Variants in ME1 observed in about 807,000 individuals in gnomAD.
ME1 encodes the protein NADP-dependent malic enzyme.
A neutral mutation model predicts 66.4 loss-of-function variants in ME1; 74 were observed. The ratio of observed to expected loss-of-function variants is 1.11; its 90% confidence interval spans 0.92 to 1.35. The LOEUF (loss-of-function observed/expected upper bound fraction) is 1.35, where lower values mean the gene tolerates loss of function less well. Among genes scored for constraint, ME1 ranks in the 40% most tolerant of loss-of-function variants. The probability of loss-of-function intolerance (pLI) is 0.00; values close to 1 mark genes in which losing one functional copy is unlikely to be tolerated. For missense variants in ME1, 750 were observed against 694.1 expected, an observed-to-expected ratio of 1.08 and a Z score of -0.90; for synonymous variants, 251 against 235.6, an observed-to-expected ratio of 1.07 and a Z score of -0.60.
intron 13 of ME1, among the ~76,000 whole-genome samples, chr6:83,215,753 A>G (rs1789978935): frequency 6.6e-6 from 1 of 152,172 alleles, no homozygotes; most frequent in African/African-American, 2.4e-5. Flanking sequence ...ACCTGCAAAC[A>G]TCTTTATCTT....
chr6:83,255,042 G>A (rs1766737243), intron 6 of ME1, among the ~76,000 whole-genome samples: 3 of 151,998 alleles, frequency 2.0e-5, no homozygotes, highest in South Asian at 4.1e-4. Flanking sequence ...AAAAAACTCT[G>A]TAAGTTTGTT....
At position 83,377,574 on chromosome 6, in the gene ME1, G is replaced by A. The variant is rs528277204; in HGVS notation, c.362+20793C>T. ...ATACTTAAATTTAACCCAATATTTG[G>A]CAGCATACTGGCAATCAAAATAACT... On this transcript the variant is annotated intron_variant, in intron 3 of 13. Transcript: ENST00000369705. 1.1e-4 allele frequency among the ~76,000 whole-genome samples: 17 copies of A among 152,046 alleles called. No individual in the cohort carries two copies. In the South Asian group the frequency reaches 3.5e-3, roughly 32 times the overall value.
chr6:83,430,470 G>A (rs1770464870), intron 1 of ME1, among the ~76,000 whole-genome samples: 1 of 152,230 alleles, frequency 6.6e-6, no homozygotes, highest in Admixed American at 6.5e-5. Context: ...GCCACACTGT[G>A]TGTGCAACCA....
intron 2 of ME1, among the ~76,000 whole-genome samples, chr6:83,401,704 A>C (rs1479544292): frequency 6.6e-6 from 1 of 152,178 alleles, no homozygotes; most frequent in Non-Finnish European, 1.5e-5. Context: ...GGTGGCAGGG[A>C]TAGAGGTTAT....
At chr6:83,216,631 C>T (rs778574695) in intron 12 of ME1, 35 bp from the exon 13 acceptor site, 6 of 1,411,298 alleles carry the variant, frequency 4.3e-6, no homozygotes, top group Non-Finnish European at 5.9e-6. Context: ...AGTGTTTATA[C>T]TTCACACGAT....
intron 7 of ME1, among the ~76,000 whole-genome samples, chr6:83,241,349 A>C (rs1232502590): frequency 6.6e-6 from 1 of 152,178 alleles, no homozygotes; most frequent in Non-Finnish European, 1.5e-5. Flanking sequence ...CAATTGAAGC[A>C]TCAAAGTTGA....
intron 1 of ME1, among the ~76,000 whole-genome samples, chr6:83,417,570 G>A (rs185510841): frequency 6.6e-5 from 10 of 151,670 alleles, no homozygotes; most frequent in Admixed American, 5.3e-4. Context: ...TAGTAGAGAC[G>A]GGGTTTCACC....
chr6:83,275,936 A>AT (rs937491022), intron 6 of ME1, among the ~76,000 whole-genome samples: 2 of 149,060 alleles, frequency 1.3e-5, no homozygotes, highest in Non-Finnish European at 3.0e-5. Flanking sequence ...CGCCCAGCTA[A>AT]TTTTTTTGTA....
chr6:83,277,863 T>C (rs954374255), intron 6 of ME1, among the ~76,000 whole-genome samples: 11 of 141,388 alleles, frequency 7.8e-5, no homozygotes, highest in African/African-American at 2.9e-4. Context: ...GATCGCACCA[T>C]TGCACTCCAG....
chr6:83,344,949 C>G (rs1238193688), intron 5 of ME1, among the ~76,000 whole-genome samples: 12 of 151,420 alleles, frequency 7.9e-5, no homozygotes. Flanking sequence ...TATCACATAA[C>G]AATTTTTAAA....
rs1178785604 is a variant in ME1 at position 83,428,009 on chromosome 6, C to T, written c.78+2868G>A. The stretch of plus-strand genomic sequence containing the variant: ...CCTGGGCAACAGAACAAGGCTCTGT[C>T]TCAAAAAAAAAAAAAGGAAAATAAA... On this transcript the variant is annotated intron_variant, in intron 1 of 13. Transcript: ENST00000369705. 2.9e-5 allele frequency among the ~76,000 whole-genome samples: 4 copies of T among 139,076 alleles called. No individual in the cohort carries two copies. In the East Asian group the frequency reaches 6.0e-4, roughly 21 times the overall value. 91.2% of individuals were successfully genotyped at this position (139,076 alleles called of 152,430 possible).
At chr6:83,212,602 G>A (rs545402347) in intron 13 of ME1, among the ~76,000 whole-genome samples, 31 of 152,212 alleles carry the variant, frequency 2.0e-4, no homozygotes, top group East Asian at 9.6e-4. Flanking sequence ...TGGTCATCAC[G>A]CCCTGTGTTT....
chr6:83,269,103 T>G (rs903565488), intron 6 of ME1, among the ~76,000 whole-genome samples: 2 of 152,168 alleles, frequency 1.3e-5, no homozygotes, highest in Non-Finnish European at 2.9e-5. Flanking sequence ...CTGTGTATAT[T>G]TAGGTAAGTG....
At chr6:83,346,696 G>C (rs1302552854) in intron 4 of ME1, among the ~76,000 whole-genome samples, 2 of 152,186 alleles carry the variant, frequency 1.3e-5, no homozygotes, top group Non-Finnish European at 2.9e-5. Flanking sequence ...AGTGTCCTTA[G>C]TAAAGTACTG....
At position 83,237,677 on chromosome 6, in the gene ME1, A is replaced by G. The variant is rs746934040; in HGVS notation, c.1026+40T>C. 10 of 1,178,128 alleles carry G rather than the reference A, an allele frequency of 8.5e-6. No individual in the cohort carries two copies. The African/African-American group carries it at 1.1e-4, about 13-fold the overall frequency. The allele number at this position is 1,178,128 out of a possible 1,614,324, so 73.0% of individuals were successfully genotyped here. ...CTTTGAGATGGCCATCCAGAATGGC[A>G]TAGTTATCTTTATTCTGGTTAAAAA... is the stretch of plus-strand genomic sequence containing the variant. On this transcript the variant is annotated intron_variant, in intron 9 of 13. Transcript: ENST00000369705.
chr6:83,282,936 A>T (rs937598122), intron 6 of ME1, among the ~76,000 whole-genome samples: 9 of 152,244 alleles, frequency 5.9e-5, no homozygotes, highest in South Asian at 2.1e-4. Context: ...GCCATAAAAA[A>T]TGATGAGTTC....
rs57849502 is a variant in ME1, at chr6:83,407,046, C to A, written c.212+722G>T. On this transcript the variant is annotated intron_variant, in intron 2 of 13. Transcript: ENST00000369705. ...TCTTCGGAGAACCCTGAGTAACACC[C>A]TGATTAACACCAACACTTATTTGAT... Among the ~76,000 whole-genome samples, 873 of 151,878 alleles carry A rather than the reference C, an allele frequency of 5.7e-3. 8 individuals are homozygous for A. Among genetic ancestry groups the A allele is most frequent in the African/African-American group, 0.02 (834 of 41,304 alleles).
At chr6:83,362,346 C>G (rs1043519160) in intron 3 of ME1, among the ~76,000 whole-genome samples, 2 of 152,192 alleles carry the variant, frequency 1.3e-5, no homozygotes, top group African/African-American at 4.8e-5. Flanking sequence ...ATTTGTATCC[C>G]ATGTGAGTGC....
chr6:83,268,237 C>G (rs1296449250), intron 6 of ME1, among the ~76,000 whole-genome samples: 1 of 151,888 alleles, frequency 6.6e-6, no homozygotes, highest in Admixed American at 6.6e-5. Flanking sequence ...AAAGAAAATG[C>G]CTGGAAAATC....
Sources: allele counts gnomAD v4.1 joint callset (sites outside exome capture counted in the v4.1 genomes callset), GRCh38; gene constraint gnomAD v4.1.1; transcripts MANE v1.5; gene names NCBI Gene and HGNC (gene_info 2026-07-23, HGNC 2026-07-21).